Variants in AFF1 observed in about 807,000 individuals in gnomAD.
AFF1 encodes the protein AF4/FMR2 family member 1.
AFF1 carries 48 observed loss-of-function variants against 121.7 expected under a neutral mutation model. The ratio of observed to expected loss-of-function variants is 0.39; its 90% CI spans 0.31 to 0.50. The LOEUF is 0.50. Ranked by LOEUF, AFF1 falls within the 20% of genes least tolerant of loss-of-function variation. The pLI, the probability that AFF1 is intolerant of heterozygous loss-of-function variation, is 0.76. For missense variants in AFF1, 1,523 were observed against 1,511.7 expected (o/e 1.01, Z -0.12); for synonymous variants, 613 against 563.0 (o/e 1.09, Z -1.26).
chr4:87,043,575 C>A (rs1417582003), intron 2 of AFF1, among the ~76,000 whole-genome samples: 1 of 152,192 alleles, frequency 6.6e-6, no homozygotes, highest in Non-Finnish European at 1.5e-5. Flanking sequence ...TGAGTGTCAT[C>A]AAGTCCAGTG....
intron 12 of AFF1, among the ~76,000 whole-genome samples, chr4:87,124,657 A>C (rs1207487645): frequency 1.3e-5 from 2 of 152,240 alleles, no homozygotes; most frequent in African/African-American, 4.8e-5. Context: ...ATAAAAAATC[A>C]TCTCTGTATT....
At chr4:87,105,548 C>A in intron 8 of AFF1, 80 bp from the exon 9 acceptor site, 2 of 1,476,596 alleles carry the variant, frequency 1.4e-6, no homozygotes, top group Non-Finnish European at 1.9e-6. Flanking sequence ...TTTAATTAGG[C>A]ATATTTTCTA....
chr4:87,096,199 A>C (rs191987940), intron 8 of AFF1, among the ~76,000 whole-genome samples: 5 of 151,882 alleles, frequency 3.3e-5, no homozygotes, highest in Admixed American at 2.0e-4. Flanking sequence ...TGTGGTAAGA[A>C]TGTATTTTAT....
chr4:86,994,079 A>G (rs1043563056), intron 2 of AFF1, among the ~76,000 whole-genome samples: 2 of 152,280 alleles, frequency 1.3e-5, no homozygotes, highest in African/African-American at 4.8e-5. Flanking sequence ...GCTGCTCTGC[A>G]GCCTTACTTT....
intron 12 of AFF1, among the ~76,000 whole-genome samples, chr4:87,122,054 G>T (rs342435): frequency 6.6e-6 from 1 of 152,022 alleles, no homozygotes; most frequent in Non-Finnish European, 1.5e-5. Flanking sequence ...TGCCTTGGGG[G>T]CCTTAATGTG....
At chr4:87,127,174 C>A (rs569353637) in intron 15 of AFF1, 57 bp downstream of exon 15, 23 of 1,251,344 alleles carry the variant, frequency 1.8e-5, no homozygotes, top group Middle Eastern at 4.1e-4. Context: ...CTTCCCCCCC[C>A]CACCAAGATA....
intron 11 of AFF1, among the ~76,000 whole-genome samples, chr4:87,110,441 TTTTTG>T (rs70957206): frequency 0.31 from 45,225 of 143,636 alleles, 7,527 homozygotes; most frequent in South Asian, 0.49. Flanking sequence ...TGTTCTGGTT[TTTTTG>T]TTTTGTTTTG....
rs74570267 is a variant in AFF1 at position 87,071,771 on chromosome 4, C to T, written c.1060-12349C>T. On this transcript the variant is annotated intron_variant, in intron 4 of 20. Transcript: ENST00000395146. ...ACTATTAGAACGGTTGCCTTTTTTC[C>T]ATATGATCTCTTCTCTGTCACTTAG... Among the ~76,000 whole-genome samples, 1,414 of 152,250 alleles carry T rather than the reference C, an allele frequency of 9.3e-3. 20 individuals carry two copies. The highest frequency in any genetic ancestry group is 0.032 in the African/African-American group (1,342 of 41,544).
At chr4:87,133,320 T>G (rs753431887) in intron 19 of AFF1, among the ~76,000 whole-genome samples, 13 of 152,216 alleles carry the variant, frequency 8.5e-5, no homozygotes, top group Non-Finnish European at 1.8e-4. Context: ...TATTTTTTAA[T>G]TTGGTCATAC....
chr4:86,970,257 G>C (rs1005045577), intron 2 of AFF1, among the ~76,000 whole-genome samples: 1 of 152,122 alleles, frequency 6.6e-6, no homozygotes, highest in African/African-American at 2.4e-5. Flanking sequence ...GGAAGCCAAG[G>C]CAGCAGGATT....
intron 2 of AFF1, among the ~76,000 whole-genome samples, chr4:86,965,309 G>A (rs2149472982): frequency 6.6e-6 from 1 of 152,288 alleles, no homozygotes; most frequent in South Asian, 2.1e-4. Flanking sequence ...TAGAGCCAAT[G>A]GTGCCTACAG....
intron 4 of AFF1, among the ~76,000 whole-genome samples, chr4:87,060,851 AAAAAAAAAAAAAAAAACACAAAAAAAC>A (rs1283228178): frequency 3.9e-3 from 193 of 49,184 alleles, no homozygotes; most frequent in African/African-American, 0.024. Flanking sequence ...AAAAAAAAAA[AAAAAAAAAAAAAAAAACACAAAAAAAC>A]AACAACAAAA....
rs564970030 is a variant in AFF1 at position 87,046,884 on chromosome 4, A to G, written c.349A>G (p.Ser117Gly). 3 of 1,614,158 alleles carry G rather than the reference A, an allele frequency of 1.9e-6. No individual in the cohort carries two copies. The highest frequency in any genetic ancestry group is 1.1e-5 in the South Asian group (1 of 91,088). ...SSIPSSSFHT[S>G]VHHQSIHTPA... ...CATTCCATCCAGCTCCTTCCACACT[A>G]GTGTCCACCACCAGTCCATTCACAC... is the stretch of plus-strand genomic sequence containing the variant. The change falls in exon 4 of 21, where the codon AGT becomes GGT. Residue 117 changes from serine to glycine, a missense_variant. Ser to Gly is a moderately conservative substitution (Grantham distance 56). Transcript: ENST00000395146.
intron 4 of AFF1, among the ~76,000 whole-genome samples, chr4:87,073,677 C>T (rs1486483165): frequency 6.6e-6 from 1 of 152,170 alleles, no homozygotes; most frequent in East Asian, 1.9e-4. Context: ...CAGTTTCTTT[C>T]GGCCTCATCC....
chr4:87,103,060 TA>T (rs1466957838), intron 8 of AFF1, among the ~76,000 whole-genome samples: 1 of 152,180 alleles, frequency 6.6e-6, no homozygotes, highest in Non-Finnish European at 1.5e-5. Flanking sequence ...ATTTTCTGTT[TA>T]AAAAAAATTC....
intron 4 of AFF1, 177 bp downstream of exon 4, chr4:87,047,771 G>A (rs543361769): frequency 1.2e-5 from 10 of 857,820 alleles, no homozygotes; most frequent in Admixed American, 5.3e-5. Context: ...TGAGATGGAC[G>A]ACTGATTATA....
intron 2 of AFF1, among the ~76,000 whole-genome samples, chr4:87,030,837 C>T (rs1729003981): frequency 6.6e-6 from 1 of 152,134 alleles, no homozygotes; most frequent in Non-Finnish European, 1.5e-5. Flanking sequence ...GAGTGACTCG[C>T]ATTCCCAAGA....
chr4:87,110,429 C>A (rs911181302), intron 11 of AFF1, among the ~76,000 whole-genome samples: 1 of 144,018 alleles, frequency 6.9e-6, no homozygotes, highest in African/African-American at 2.6e-5. Flanking sequence ...AATACTAGAT[C>A]TTGTTCTGGT....
At chr4:86,991,759 GGT>G (rs1423945004) in intron 2 of AFF1, among the ~76,000 whole-genome samples, 2 of 149,944 alleles carry the variant, frequency 1.3e-5, no homozygotes, top group Non-Finnish European at 3.0e-5. Flanking sequence ...CTTTAGTGTT[GGT>G]ACCTGAAACA....
Sources: allele counts gnomAD v4.1 joint callset (sites outside exome capture counted in the v4.1 genomes callset), GRCh38; gene constraint gnomAD v4.1.1; transcripts MANE v1.5; gene names NCBI Gene and HGNC (gene_info 2026-07-23, HGNC 2026-07-21).